The following BRDT variants were observed in gnomAD, a reference collection of about 807,000 sequenced individuals.
The protein encoded by BRDT is bromodomain testis associated.
A neutral mutation model predicts 113.9 loss-of-function variants in BRDT; 77 were observed. The ratio of observed to expected loss-of-function variants is 0.68; its 90% CI spans 0.56 to 0.82. BRDT has a LOEUF of 0.82. Ranked by LOEUF, BRDT falls within the 40% of genes least tolerant of loss-of-function variation. The pLI is 0.00. For missense variants in BRDT, 1,027 were observed against 1,105.4 expected (o/e 0.93, Z 1.01); for synonymous variants, 358 against 366.5 (o/e 0.98, Z 0.26).
At position 91,979,552 on chromosome 1, in the gene BRDT, C is replaced by G. The variant is rs369594749; in HGVS notation, c.1099-17C>G. ...AAAAAATACAGAAAACCATAACAAA[C>G]TAATTTTTCATTACAGGATGTTTTC... is the stretch of plus-strand genomic sequence containing the variant. On this transcript the variant is annotated splice_polypyrimidine_tract_variant and intron_variant, in intron 7 of 18. Transcript: ENST00000399546. The G allele has an allele frequency of 1.3e-6, 2 of 1,597,232 alleles. No homozygotes were observed. Among genetic ancestry groups the G allele is most frequent in the Non-Finnish European group, 1.7e-6 (2 of 1,175,524 alleles).
chr1:91,969,984 A>G (rs566444324), intron 4 of BRDT, among the ~76,000 whole-genome samples: 4 of 151,890 alleles, frequency 2.6e-5, no homozygotes, highest in Non-Finnish European at 5.9e-5. Flanking sequence ...GCATGCCACC[A>G]TGCCCAGCTA....
At chr1:91,979,431 G>A (rs1684507863) in intron 7 of BRDT, 138 bp from the exon 8 acceptor site, 1 of 851,760 alleles carries the variant, frequency 1.2e-6, no homozygotes, top group Non-Finnish European at 1.8e-6. Context: ...GTCTTAATAC[G>A]TTTCTTCTGA....
intron 13 of BRDT, among the ~76,000 whole-genome samples, chr1:91,991,747 C>T (rs554687057): frequency 1.9e-3 from 291 of 152,228 alleles, no homozygotes; most frequent in Non-Finnish European, 2.1e-3. Flanking sequence ...AATCCCAGCA[C>T]TTTGGGAGGC....
chr1:91,990,471 G>T (rs1287716681), intron 12 of BRDT, among the ~76,000 whole-genome samples: 1 of 152,040 alleles, frequency 6.6e-6, no homozygotes, highest in African/African-American at 2.4e-5. Context: ...GCCTCTTAGG[G>T]CTATATTTAT....
intron 15 of BRDT, among the ~76,000 whole-genome samples, chr1:91,997,550 T>G (rs1686460506): frequency 6.6e-6 from 1 of 152,174 alleles, no homozygotes; most frequent in African/African-American, 2.4e-5. Flanking sequence ...GAATAGATTA[T>G]GAAAAACAAA....
intron 4 of BRDT, among the ~76,000 whole-genome samples, chr1:91,970,738 C>G (rs1683543578): frequency 6.6e-6 from 1 of 151,680 alleles, no homozygotes; most frequent in South Asian, 2.1e-4. Flanking sequence ...ATAGGAGGAC[C>G]CTTTATAGAA....
At chr1:91,981,233 G>C (rs756095499) in intron 10 of BRDT, 35 bp from the exon 11 acceptor site, 4 of 1,610,384 alleles carry the variant, frequency 2.5e-6, no homozygotes, top group Non-Finnish European at 3.4e-6. Context: ...TTGGTTTTTG[G>C]TTATACTCAC....
intron 15 of BRDT, 64 bp from the exon 16 acceptor site, chr1:92,001,985 T>G (rs1354572447): frequency 3.3e-6 from 4 of 1,226,356 alleles, no homozygotes; most frequent in Non-Finnish European, 4.6e-6. Flanking sequence ...AAAAATAAAA[T>G]CAAATTCTGG....
intron 4 of BRDT, among the ~76,000 whole-genome samples, chr1:91,975,256 T>TA (rs756990943): frequency 3.3e-5 from 5 of 151,816 alleles, no homozygotes; most frequent in African/African-American, 7.3e-5. Flanking sequence ...TTTGTGCACA[T>TA]GTACCCTAGA....
chr1:91,963,788 CTTTT>C (rs57708341), intron 2 of BRDT, among the ~76,000 whole-genome samples: 24 of 119,530 alleles, frequency 2.0e-4, no homozygotes, highest in Non-Finnish European at 3.4e-4. Context: ...TCTTTATTGG[CTTTT>C]TTTTTTTTTT....
chr1:91,972,614 A>C (rs1218729897), intron 4 of BRDT, among the ~76,000 whole-genome samples: 1 of 152,176 alleles, frequency 6.6e-6, no homozygotes, highest in African/African-American at 2.4e-5. Flanking sequence ...CATTAGGCAC[A>C]AGGGACTTAG....
intron 17 of BRDT, 24 bp downstream of exon 17, chr1:92,004,643 G>A (rs962570214): frequency 6.5e-7 from 1 of 1,543,726 alleles, no homozygotes; most frequent in African/African-American, 1.4e-5. Flanking sequence ...TGGATTAAAG[G>A]AGGGTTTGGG....
chr1:91,981,137 A>G lies in BRDT; in HGVS notation c.1709A>G (p.Tyr570Cys). 1.2e-6 allele frequency: 2 copies of G among 1,612,846 alleles called. No homozygotes were observed. The highest frequency in any genetic ancestry group is 1.7e-6 in the Non-Finnish European group (2 of 1,179,732). ...KASTLRELEK[Y>C]VSACLRKRPL... ...TCAACACTAAGAGAATTAGAAAAAT[A>G]TGTTTCGGCATGTCTAAGAAAGAGA... The change falls in exon 10 of 19, where the codon TAT becomes TGT. Residue 570 changes from tyrosine (Y) to cysteine (C), a missense_variant. Physicochemically the swap from Tyr to Cys is radical, Grantham distance 194. Coordinates refer to ENST00000399546, the MANE Select transcript of BRDT (RefSeq NM_207189.4).
At chr1:91,958,214 C>CT (rs35049237) in intron 1 of BRDT, among the ~76,000 whole-genome samples, 3,743 of 127,278 alleles carry the variant, frequency 0.029, 119 homozygotes, top group African/African-American at 0.071. Context: ...AACTCATGCC[C>CT]TTTTTTTTTT....
intron 5 of BRDT, 148 bp from the exon 6 acceptor site, chr1:91,976,895 A>T: frequency 1.6e-6 from 1 of 611,716 alleles, no homozygotes; most frequent in Non-Finnish European, 2.7e-6. Flanking sequence ...AGCAATATTT[A>T]ATACATGGAT....
At chr1:91,957,715 T>C (rs1681943571) in intron 1 of BRDT, 1 of 152,222 alleles carries the variant, frequency 6.6e-6, no homozygotes, top group Admixed American at 6.6e-5. Context: ...TCTACCGTTA[T>C]ACTATCATAC....
chr1:91,955,219 G>T (rs1428727657), intron 1 of BRDT, among the ~76,000 whole-genome samples: 2 of 152,162 alleles, frequency 1.3e-5, no homozygotes, highest in Non-Finnish European at 2.9e-5. Flanking sequence ...GCTTTGGGAG[G>T]CTGAGGCAGG....
At chr1:92,001,814 GC>G (rs918015166) in intron 15 of BRDT, among the ~76,000 whole-genome samples, 10 of 151,988 alleles carry the variant, frequency 6.6e-5, no homozygotes. Flanking sequence ...TATATTTCAT[GC>G]TGACCAGAAC....
intron 6 of BRDT, 48 bp downstream of exon 6, chr1:91,977,441 G>C: frequency 7.4e-7 from 1 of 1,357,138 alleles, no homozygotes; most frequent in Non-Finnish European, 1.0e-6. Flanking sequence ...GATTATAAAA[G>C]TAATTCATCA....
Sources: allele counts gnomAD v4.1 joint callset (sites outside exome capture counted in the v4.1 genomes callset), GRCh38; gene constraint gnomAD v4.1.1; transcripts MANE v1.5; gene names NCBI Gene and HGNC (gene_info 2026-07-23, HGNC 2026-07-21).